Variants in BACC1 observed in about 807,000 individuals in gnomAD.
BACC1 encodes BPTF associated chromatin complex component 1.
chr17:7,017,433 T>C, the BACC1 span: 2 of 977,002 alleles, frequency 2.0e-6, no homozygotes, highest in African/African-American at 3.2e-5. Context: ...GCCACCTCGC[T>C]ATTCCCGCAT....
At chr17:7,017,097 G>T in the BACC1 span, 1 of 1,532,378 alleles carries the variant, frequency 6.5e-7, no homozygotes, top group Non-Finnish European at 9.0e-7. Context: ...TCTCCGCAGG[G>T]GCCCCTCCCT....
the BACC1 span, chr17:7,016,449 GTC>G: frequency 6.3e-7 from 1 of 1,585,714 alleles, no homozygotes; most frequent in Non-Finnish European, 8.6e-7. Flanking sequence ...TCTTCTGTTA[GTC>G]TCTCTGATGA....
the BACC1 span, chr17:7,017,015 G>A: frequency 1.2e-6 from 2 of 1,609,100 alleles, no homozygotes; most frequent in South Asian, 2.2e-5. Flanking sequence ...TTCGACCAGG[G>A]TAGGAGTCCT....
At chr17:7,014,826 G>A in the BACC1 span, 4 of 1,527,492 alleles carry the variant, frequency 2.6e-6, no homozygotes, top group Middle Eastern at 1.7e-4. The surrounding 1 kb of genome is among the most constrained non-coding windows in gnomAD (Gnocchi z 4.5). Context: ...TAGCGGCGGC[G>A]GCGGCGTCTC....
chr17:7,015,115 G>A, the BACC1 span: 13 of 1,583,424 alleles, frequency 8.2e-6, no homozygotes, highest in Non-Finnish European at 1.1e-5. Flanking sequence ...TCGGGGAGCT[G>A]ACGATGCAGC....
At chr17:7,014,799 T>G in the BACC1 span, 1 of 1,520,882 alleles carries the variant, frequency 6.6e-7, no homozygotes, top group East Asian at 2.7e-5. The surrounding 1 kb of genome is among the most constrained non-coding windows in gnomAD (Gnocchi z 4.5). Flanking sequence ...CTGCTCTCCG[T>G]GGTCCCGGCT....
At chr17:7,014,840 G>C in the BACC1 span, 13 of 1,530,958 alleles carry the variant, frequency 8.5e-6, no homozygotes, top group Non-Finnish European at 1.1e-5. The surrounding 1 kb of genome is among the most constrained non-coding windows in gnomAD (Gnocchi z 4.5). Context: ...GCGTCTCCGT[G>C]AGGAGGCGCG....
At chr17:7,014,792 C>T in the BACC1 span, 8 of 1,519,096 alleles carry the variant, frequency 5.3e-6, no homozygotes, top group South Asian at 1.2e-5. This position sits in a 1 kb window ranked among gnomAD's most constrained non-coding sequence, Gnocchi z 4.5. Flanking sequence ...AGTCTCCCTG[C>T]TCTCCGTGGT....
the BACC1 span, chr17:7,015,479 CCCTT>C: frequency 1.2e-4 from 164 of 1,370,442 alleles, no homozygotes; most frequent in Non-Finnish European, 1.5e-4. Context: ...TTTTGAAAAG[CCCTT>C]CCTGGCGAGT....
the BACC1 span, chr17:7,015,805 C>G: frequency 6.2e-7 from 1 of 1,614,066 alleles, no homozygotes; most frequent in South Asian, 1.1e-5. Context: ...AATAGAGATG[C>G]TGAGGGCTGC....
the BACC1 span, chr17:7,016,790 G>T: frequency 6.5e-7 from 1 of 1,529,126 alleles, no homozygotes; most frequent in Non-Finnish European, 9.0e-7. Context: ...TCCTGTCCCT[G>T]TGGAGGTTCC....
the BACC1 span, chr17:7,017,453 C>A: frequency 1.2e-6 from 1 of 821,900 alleles, no homozygotes; most frequent in Non-Finnish European, 2.1e-6. Flanking sequence ...TAAGCATCTG[C>A]CCCCAACCCC....
chr17:7,016,898 C>T, the BACC1 span: 2 of 1,608,900 alleles, frequency 1.2e-6, no homozygotes, highest in East Asian at 2.2e-5. Context: ...CTAGCTTATG[C>T]CCCCTTCCCA....
chr17:7,014,854 G>C, the BACC1 span: 298 of 1,537,270 alleles, frequency 1.9e-4, 1 homozygote, highest in Admixed American at 3.3e-4. The surrounding 1 kb of genome is among the most constrained non-coding windows in gnomAD (Gnocchi z 4.5). Context: ...AGGCGCGCGG[G>C]GCCATGACGT....
chr17:7,015,017 G>T, the BACC1 span: 1 of 1,435,380 alleles, frequency 7.0e-7, no homozygotes, highest in Non-Finnish European at 9.1e-7. Context: ...CGGGCGGGAC[G>T]GGGAGGGCGG....
chr17:7,015,223 C>T, the BACC1 span: 3 of 1,490,374 alleles, frequency 2.0e-6, no homozygotes, highest in Non-Finnish European at 2.7e-6. Flanking sequence ...CAGACACGGA[C>T]CCTCTCTAGC....
the BACC1 span, chr17:7,016,906 C>T: frequency 6.2e-7 from 1 of 1,612,532 alleles, no homozygotes. Flanking sequence ...TGCCCCCTTC[C>T]CAGATGTGAC....
At chr17:7,016,811 C>T in the BACC1 span, 3 of 1,519,764 alleles carry the variant, frequency 2.0e-6, no homozygotes, top group Non-Finnish European at 2.7e-6. Flanking sequence ...CAGAGAGGGG[C>T]AGAGGGGAGG....
the BACC1 span, chr17:7,014,893 G>C: frequency 6.6e-7 from 1 of 1,522,344 alleles, no homozygotes; most frequent in Non-Finnish European, 8.8e-7. The surrounding 1 kb of genome is among the most constrained non-coding windows in gnomAD (Gnocchi z 4.5). Flanking sequence ...GACCTCCCTC[G>C]CGGACAGCGC....
Sources: allele counts gnomAD v4.1 joint callset, GRCh38; gene constraint gnomAD v4.1.1; non-coding constraint Gnocchi (gnomAD v3.1); transcripts MANE v1.5; gene names NCBI Gene and HGNC (gene_info 2026-07-23, HGNC 2026-07-21).